ANO3: variants seen among roughly 807,000 people sequenced by gnomAD.
ANO3 encodes the protein anoctamin-3.
ANO3 carries 99 observed loss-of-function variants against 144.8 expected under a neutral mutation model. The observed-to-expected ratio is 0.68, with a 90% CI of 0.58 to 0.81. ANO3 has a LOEUF of 0.81. ANO3 is among the 30% of genes least tolerant of loss of function. ANO3 has a pLI of 0.00. For synonymous variants in ANO3, 414 were observed against 392.6 expected (o/e 1.05, Z -0.64); for missense variants, 905 against 1,202.2 (o/e 0.75, Z 3.66).
chr11:26,484,612 C>A (rs532928859), intron 4 of ANO3, among the ~76,000 whole-genome samples: 1 of 152,320 alleles, frequency 6.6e-6, no homozygotes, highest in South Asian at 2.1e-4. Context: ...TTGGAGCCCC[C>A]ACACAGAGTC....
At chr11:26,403,738 T>C (rs549972673) in intron 1 of ANO3, among the ~76,000 whole-genome samples, 1 of 152,044 alleles carries the variant, frequency 6.6e-6, no homozygotes, top group African/African-American at 2.4e-5. Context: ...ATGTAGCCCT[T>C]AGCTTTCTCT....
chr11:26,563,203 G>A (rs1850365068), intron 14 of ANO3: 2 of 1,612,216 alleles, frequency 1.2e-6, no homozygotes, highest in Admixed American at 1.7e-5. Context: ...ACAAGAGTAA[G>A]CAATGAGACA....
chr11:26,564,728 CACACATATATATATATATATAT>C (rs1485037607), intron 14 of ANO3, among the ~76,000 whole-genome samples: 91 of 36,150 alleles, frequency 2.5e-3, no homozygotes, highest in African/African-American at 8.2e-3. Flanking sequence ...CACACACACA[CACACATATATATATATATATAT>C]ATATATATAT....
chr11:26,366,384 T>A (rs1037164825), intron 1 of ANO3, among the ~76,000 whole-genome samples: 1 of 152,128 alleles, frequency 6.6e-6, no homozygotes, highest in African/African-American at 2.4e-5. Flanking sequence ...TTTCTTAATC[T>A]AGTCTATTTG....
chr11:26,657,503 A>T (rs951678774), intron 26 of ANO3, among the ~76,000 whole-genome samples: 5 of 152,116 alleles, frequency 3.3e-5, no homozygotes, highest in Non-Finnish European at 7.4e-5. Flanking sequence ...AACAAAGTTA[A>T]TAGAGTGCAT....
At chr11:26,368,148 A>G (rs964644946) in intron 1 of ANO3, among the ~76,000 whole-genome samples, 1 of 152,200 alleles carries the variant, frequency 6.6e-6, no homozygotes, top group African/African-American at 2.4e-5. Context: ...TCCAGATGAA[A>G]TCCTGAAATA....
At chr11:26,334,036 T>C (rs534518002) in intron 1 of ANO3, among the ~76,000 whole-genome samples, 1 of 152,324 alleles carries the variant, frequency 6.6e-6, no homozygotes, top group South Asian at 2.1e-4. Flanking sequence ...TATGTATGGA[T>C]ACATGTTGTG....
In ANO3 at chr11:26,654,284, C is replaced by T. The variant is rs542390650; in HGVS notation, c.2577-1841C>T. On this transcript the variant is annotated intron_variant, in intron 24 of 26. Transcript: ENST00000256737. ...TAAGCGTTCGTTGAATTCTCTGAGA[C>T]ATGTGGTTTGGTTGTTTGTTTTTAG... 1.1e-4 allele frequency among the ~76,000 whole-genome samples: 17 copies of T among 152,192 alleles called. No homozygotes were observed. In the East Asian group the frequency reaches 3.3e-3, roughly 29 times the overall value.
chr11:26,204,106 C>A (rs1292495252), intron 1 of ANO3, among the ~76,000 whole-genome samples: 1 of 151,924 alleles, frequency 6.6e-6, no homozygotes, highest in Admixed American at 6.6e-5. Context: ...TTAGTGTTTT[C>A]TGGAGACTTT....
intron 23 of ANO3, among the ~76,000 whole-genome samples, chr11:26,643,815 T>C (rs1853250282): frequency 6.6e-6 from 1 of 152,200 alleles, no homozygotes; most frequent in Non-Finnish European, 1.5e-5. Context: ...GACTTCATTC[T>C]CTTCCACTTC....
intron 20 of ANO3, among the ~76,000 whole-genome samples, chr11:26,638,162 T>C (rs1281317762): frequency 6.6e-6 from 1 of 152,036 alleles, no homozygotes; most frequent in Non-Finnish European, 1.5e-5. Flanking sequence ...ATTCAACACC[T>C]CCCCACCATC....
intron 1 of ANO3, among the ~76,000 whole-genome samples, chr11:26,209,578 CA>C (rs1222162548): frequency 7.4e-6 from 1 of 136,020 alleles, no homozygotes; most frequent in Admixed American, 7.2e-5. Context: ...CACTGTCTTC[CA>C]CAATGGTTGA....
chr11:26,295,481 C>T (rs1854066759), intron 1 of ANO3, among the ~76,000 whole-genome samples: 1 of 136,738 alleles, frequency 7.3e-6, no homozygotes, highest in African/African-American at 2.8e-5. Context: ...GCTGAGATAG[C>T]GCCCAGCCTG....
chr11:26,568,814 C>T (rs1012493591), intron 14 of ANO3, among the ~76,000 whole-genome samples: 4 of 151,982 alleles, frequency 2.6e-5, no homozygotes, highest in African/African-American at 9.7e-5. Context: ...TGTACCTTTT[C>T]AGAAACATCT....
chr11:26,624,544 A>G, intron 18 of ANO3, 46 bp downstream of exon 18: 1 of 1,365,940 alleles, frequency 7.3e-7, no homozygotes, highest in Non-Finnish European at 1.0e-6. Flanking sequence ...AAAATAACAT[A>G]TGGGCATTTC....
intron 17 of ANO3, among the ~76,000 whole-genome samples, chr11:26,621,167 C>A (rs968887581): frequency 1.3e-5 from 2 of 152,138 alleles, no homozygotes; most frequent in Admixed American, 1.3e-4. Context: ...TTCTTTTTCT[C>A]CCTAACTGGT....
rs542921306 is a variant in ANO3 at position 26,452,473 on chromosome 11, G to T, written c.313+8637G>T. On this transcript the variant is annotated intron_variant, in intron 3 of 26. Transcript: ENST00000256737. ...GCCGATGCGATCAACTGGAAGAAAG[G>T]GTATCAGTGATAGAAGATGAAACGA... Among the ~76,000 whole-genome samples, 184 of 152,256 alleles carry T rather than the reference G, an allele frequency of 1.2e-3. 1 individual carries two copies. Among genetic ancestry groups the T allele is most frequent in the Middle Eastern group, 6.8e-3 (2 of 292 alleles).
chr11:26,469,803 T>G (rs1287046975), intron 4 of ANO3, among the ~76,000 whole-genome samples: 1 of 151,958 alleles, frequency 6.6e-6, no homozygotes, highest in African/African-American at 2.4e-5. Context: ...ATAATGTAAT[T>G]TATAATGTAA....
chr11:26,269,528 C>T (rs1405374880), intron 1 of ANO3, among the ~76,000 whole-genome samples: 2 of 152,160 alleles, frequency 1.3e-5, no homozygotes, highest in Non-Finnish European at 2.9e-5. Context: ...GGAGCCAGTG[C>T]TTCCTCCAGT....
Sources: gnomAD v4.1 joint callset for allele counts (sites outside exome capture counted in the v4.1 genomes callset) on GRCh38, gnomAD v4.1.1 for gene constraint, MANE v1.5 for transcripts, NCBI Gene and HGNC (gene_info 2026-07-23, HGNC 2026-07-21) for gene names.